The following MAPK6 variants were observed in gnomAD, a reference collection of about 807,000 sequenced individuals.
MAPK6 encodes the protein mitogen-activated protein kinase 6.
In MAPK6, 19 loss-of-function variants were observed where a neutral mutation model predicts 59.3. The ratio of observed to expected loss-of-function variants is 0.32; its 90% CI spans 0.22 to 0.47. MAPK6 has a LOEUF of 0.47. Among genes scored for constraint, MAPK6 ranks in the 20% least tolerant of loss-of-function variants. MAPK6 has a pLI of 1.00. For synonymous variants in MAPK6, 316 were observed against 290.3 expected (o/e 1.09, Z -0.90); for missense variants, 724 against 847.9 (o/e 0.85, Z 1.81).
At chr15:51,974,725 T>C (rs367873445) in intron 1 of MAPK6, among the ~76,000 whole-genome samples, 9,318 of 144,036 alleles carry the variant, frequency 0.065, 444 homozygotes, top group Non-Finnish European at 0.091. Context: ...ATTTCTTTTT[T>C]CCCCCCCCGC....
intron 2 of MAPK6, among the ~76,000 whole-genome samples, chr15:51,990,795 G>T (rs908067053): frequency 3.3e-5 from 5 of 152,144 alleles, no homozygotes; most frequent in Non-Finnish European, 7.4e-5. Context: ...CTAAAAGTAC[G>T]AAAACAAAAT....
intron 1 of MAPK6, among the ~76,000 whole-genome samples, chr15:52,029,398 T>G (rs1055940077): frequency 3.9e-5 from 6 of 152,090 alleles, no homozygotes; most frequent in Admixed American, 1.3e-4. Context: ...ACTCCTGGGT[T>G]TTTTTTTCAC....
intron 2 of MAPK6, 117 bp downstream of exon 2, chr15:52,047,132 T>C (rs577001607): frequency 2.5e-5 from 16 of 640,086 alleles, no homozygotes; most frequent in Middle Eastern, 2.9e-4. Context: ...AAACTTTACA[T>C]AGTGCCTTTT....
intron 3 of MAPK6, among the ~76,000 whole-genome samples, chr15:52,007,307 C>G (rs2029921792): frequency 6.6e-6 from 1 of 152,048 alleles, no homozygotes; most frequent in Non-Finnish European, 1.5e-5. Flanking sequence ...CCCTGACCCA[C>G]CTTCTTCAGG....
intron 3 of MAPK6, among the ~76,000 whole-genome samples, chr15:52,013,751 G>T (rs1262215478): frequency 6.6e-6 from 1 of 152,104 alleles, no homozygotes; most frequent in African/African-American, 2.4e-5. Context: ...AGAGGACGTG[G>T]GAGTATTGTT....
chr15:52,006,812 C>G (rs761215333), intron 3 of MAPK6, among the ~76,000 whole-genome samples: 1 of 152,040 alleles, frequency 6.6e-6, no homozygotes, highest in Non-Finnish European at 1.5e-5. Context: ...TAGTTGTTTA[C>G]CTGGGTCTAA....
intron 1 of MAPK6, among the ~76,000 whole-genome samples, chr15:51,978,667 A>G (rs1489812248): frequency 1.3e-5 from 2 of 151,778 alleles, no homozygotes; most frequent in Admixed American, 6.6e-5. Context: ...ACCCCATTAA[A>G]AAAACAAAAC....
At chr15:52,028,608 G>T (rs1052031763) in intron 1 of MAPK6, among the ~76,000 whole-genome samples, 1 of 152,192 alleles carries the variant, frequency 6.6e-6, no homozygotes, top group Non-Finnish European at 1.5e-5. Flanking sequence ...CAGTTGTTCA[G>T]TAGCCATATA....
At chr15:51,996,860 GT>G (rs771099189) in intron 2 of MAPK6, among the ~76,000 whole-genome samples, 2 of 151,752 alleles carry the variant, frequency 1.3e-5, no homozygotes, top group African/African-American at 4.8e-5. Flanking sequence ...ACCCAACTAA[GT>G]TTTTTTAGTT....
At chr15:52,042,444 T>C (rs2031454090) in intron 1 of MAPK6, among the ~76,000 whole-genome samples, 1 of 152,198 alleles carries the variant, frequency 6.6e-6, no homozygotes, top group Non-Finnish European at 1.5e-5. Context: ...TTACCCACTC[T>C]TACCTCGTTA....
In MAPK6 at chr15:52,061,642, G is replaced by A. The variant is rs566061578; in HGVS notation, c.1067+142G>A. ...GTAAAGATACAAAAATTAGTCAGGT[G>A]TGGTGGCAGGCGCCTGTAGTCCTAG... On this transcript the variant is annotated intron_variant, in intron 5 of 5. Transcript: ENST00000261845. 2.3e-3 allele frequency: 1,521 copies of A among 675,324 alleles called. 3 individuals are homozygous for A. Among genetic ancestry groups the A allele is most frequent in the Middle Eastern group, 8.9e-3 (23 of 2,592 alleles). 41.8% of individuals were successfully genotyped at this position (675,324 alleles called of 1,614,324 possible).
chr15:52,058,103 A>C (rs1012105560), intron 3 of MAPK6, among the ~76,000 whole-genome samples: 4 of 152,210 alleles, frequency 2.6e-5, no homozygotes, highest in African/African-American at 7.2e-5. Flanking sequence ...AGCAAATGGA[A>C]TTTTTAAAAG....
chr15:51,993,759 G>A (rs1197685541), intron 2 of MAPK6, among the ~76,000 whole-genome samples: 2 of 151,246 alleles, frequency 1.3e-5, no homozygotes, highest in Non-Finnish European at 2.9e-5. Context: ...TACACATAAT[G>A]CCCAGATCTT....
intron 1 of MAPK6, among the ~76,000 whole-genome samples, chr15:51,983,058 A>G (rs2593189): frequency 0.1 from 15,447 of 152,236 alleles, 1,754 homozygotes; most frequent in East Asian, 0.29. Context: ...ACTTAACACA[A>G]AATCAAAATT....
At chr15:52,011,477 A>G (rs2030056549) in intron 3 of MAPK6, 1 of 152,236 alleles carries the variant, frequency 6.6e-6, no homozygotes, top group Non-Finnish European at 1.5e-5. Context: ...CTACAGAGAA[A>G]ATACATGTTA....
chr15:52,039,960 G>C (rs1233702859), intron 1 of MAPK6, among the ~76,000 whole-genome samples: 3 of 152,106 alleles, frequency 2.0e-5, no homozygotes, highest in Non-Finnish European at 2.9e-5. Context: ...CTTTTCCCAG[G>C]TTCCTAAGAT....
Position 52,064,694 on chromosome 15 carries a change from G to C in MAPK6, c.1860G>C (p.Glu620Asp). 9.3e-6 allele frequency: 15 copies of C among 1,611,910 alleles called. No homozygotes were observed. Among genetic ancestry groups the C allele is most frequent in the Non-Finnish European group, 1.3e-5 (15 of 1,179,804 alleles). The change falls in exon 6 of 6, where the codon GAG (glutamate) becomes GAC (aspartate). Residue 620 changes from glutamate (E) to aspartate (D), a missense_variant. Around this residue, in one of 4 missense-constraint regions of MAPK6, gnomAD observed 502 missense variants for 507.6 expected, o/e 0.99. Transcript: ENST00000261845. ...AGGTAAGGAAGGATGAACAAGTTGA[G>C]AAGGAAAACACTTACACTAGTTACT... The part of the protein sequence containing the change: ...FCEVRKDEQV[E>D]KENTYTSYLD...
At chr15:51,983,062 C>A (rs1285058673) in intron 1 of MAPK6, among the ~76,000 whole-genome samples, 1 of 152,104 alleles carries the variant, frequency 6.6e-6, no homozygotes, top group East Asian at 1.9e-4. Context: ...AACACAAAAT[C>A]AAAATTTGGG....
At chr15:52,020,789 G>A (rs903004771) in intron 1 of MAPK6, among the ~76,000 whole-genome samples, 1 of 152,238 alleles carries the variant, frequency 6.6e-6, no homozygotes, top group Non-Finnish European at 1.5e-5. Context: ...ACATGTTTAT[G>A]AAGTGTTTGC....
Sources: gnomAD v4.1 joint callset for allele counts (sites outside exome capture counted in the v4.1 genomes callset) on GRCh38, gnomAD v4.1.1 for gene constraint, gnomAD v4.1.1 regional missense constraint, MANE v1.5 for transcripts, NCBI Gene and HGNC (gene_info 2026-07-23, HGNC 2026-07-21) for gene names.